SYT1: variants seen among roughly 807,000 people sequenced by gnomAD.
SYT1 encodes the protein synaptotagmin-1.
SYT1 carries 8 observed loss-of-function variants against 44.8 expected under a neutral mutation model. The observed-to-expected ratio is 0.18, with a 90% CI of 0.10 to 0.32. The LOEUF is 0.32. Ranked by LOEUF, SYT1 falls within the 10% of genes least tolerant of loss-of-function variation. The pLI, the probability that SYT1 is intolerant of heterozygous loss-of-function variation, is 1.00. For missense variants in SYT1, 286 were observed against 509.3 expected, an observed-to-expected ratio of 0.56 and a Z score of 4.22; for synonymous variants, 154 against 188.8, an observed-to-expected ratio of 0.82 and a Z score of 1.51.
intron 1 of SYT1, among the ~76,000 whole-genome samples, chr12:78,933,882 T>C (rs1204121357): frequency 6.7e-6 from 1 of 150,286 alleles, no homozygotes. Flanking sequence ...TAAGGGAACA[T>C]GCCTGCTTTG....
chr12:79,135,269 A>C, intron 3 of SYT1, among the ~76,000 whole-genome samples: 1 of 123,322 alleles, frequency 8.1e-6, no homozygotes. Context: ...CCATCCCACA[A>C]CAGTCCCCAG....
chr12:78,924,901 G>T (rs779926365), intron 1 of SYT1, among the ~76,000 whole-genome samples: 119 of 151,782 alleles, frequency 7.8e-4, no homozygotes, highest in Admixed American at 1.6e-3. Flanking sequence ...TAGAAGCCTA[G>T]ATCATGGGCT....
intron 9 of SYT1, among the ~76,000 whole-genome samples, chr12:79,416,263 C>T (rs755590940): frequency 6.6e-6 from 1 of 152,178 alleles, no homozygotes; most frequent in Non-Finnish European, 1.5e-5. Flanking sequence ...CACATGATCA[C>T]AGTCATATGA....
chr12:79,075,684 G>A (rs1023975356), intron 3 of SYT1, among the ~76,000 whole-genome samples: 3 of 152,052 alleles, frequency 2.0e-5, no homozygotes, highest in African/African-American at 7.2e-5. Context: ...TCTGCAGTTT[G>A]TGATACAACT....
intron 2 of SYT1, among the ~76,000 whole-genome samples, chr12:79,046,754 A>C (rs894354050): frequency 6.6e-6 from 1 of 151,954 alleles, no homozygotes; most frequent in African/African-American, 2.4e-5. Flanking sequence ...TGTTTATCCT[A>C]TGTACTAGAA....
intron 4 of SYT1, among the ~76,000 whole-genome samples, chr12:79,282,234 A>C (rs1879089555): frequency 6.6e-6 from 1 of 152,214 alleles, no homozygotes; most frequent in Non-Finnish European, 1.5e-5. Context: ...AGCTTCCAGA[A>C]AATAGGATGT....
intron 1 of SYT1, among the ~76,000 whole-genome samples, chr12:78,904,727 T>C (rs1327534474): frequency 1.3e-5 from 2 of 152,176 alleles, no homozygotes; most frequent in Non-Finnish European, 2.9e-5. Flanking sequence ...CCATAGTCTA[T>C]ACAACATAAA....
At chr12:78,941,218 G>C in intron 1 of SYT1, among the ~76,000 whole-genome samples, 1 of 151,180 alleles carries the variant, frequency 6.6e-6, no homozygotes, top group East Asian at 1.9e-4. Context: ...GATTACAGGC[G>C]CCTGCCACCA....
chr12:79,145,800 CAG>C (rs1288257140), intron 3 of SYT1, among the ~76,000 whole-genome samples: 1 of 151,152 alleles, frequency 6.6e-6, no homozygotes, highest in African/African-American at 2.5e-5. Flanking sequence ...CTCTGTCGCC[CAG>C]GCTGGAGTGC....
intron 3 of SYT1, among the ~76,000 whole-genome samples, chr12:79,133,469 T>G (rs1868985156): frequency 6.6e-6 from 1 of 152,194 alleles, no homozygotes; most frequent in South Asian, 2.1e-4. Flanking sequence ...ATACCCTGTT[T>G]GGATAATTAT....
At chr12:79,024,252 C>T (rs995413493) in intron 2 of SYT1, among the ~76,000 whole-genome samples, 11 of 151,614 alleles carry the variant, frequency 7.3e-5, no homozygotes, top group East Asian at 2.0e-4. Flanking sequence ...TTGAGAGAGG[C>T]GTGTGGCCAG....
At chr12:78,943,805 A>G (rs986268293) in intron 1 of SYT1, among the ~76,000 whole-genome samples, 4 of 152,190 alleles carry the variant, frequency 2.6e-5, no homozygotes, top group South Asian at 2.1e-4. Context: ...ACTACAATTC[A>G]TCATATGGTT....
intron 1 of SYT1, among the ~76,000 whole-genome samples, chr12:78,951,766 T>G (rs1382060048): frequency 6.6e-6 from 1 of 152,118 alleles, no homozygotes; most frequent in East Asian, 1.9e-4. Flanking sequence ...ACCAGATTTT[T>G]TTGTTCACCT....
chr12:79,101,066 T>G (rs183939756), intron 3 of SYT1, among the ~76,000 whole-genome samples: 3 of 152,280 alleles, frequency 2.0e-5, no homozygotes, highest in Admixed American at 2.0e-4. Context: ...TATTTTACAT[T>G]TGTTTTATTA....
At chr12:79,202,897 C>G (rs1873873499) in intron 3 of SYT1, among the ~76,000 whole-genome samples, 1 of 152,146 alleles carries the variant, frequency 6.6e-6, no homozygotes, top group Admixed American at 6.5e-5. Context: ...CCACAGGATG[C>G]AGGGTGCTGA....
At chr12:79,055,559 A>C in intron 3 of SYT1, among the ~76,000 whole-genome samples, 1 of 151,978 alleles carries the variant, frequency 6.6e-6, no homozygotes, top group East Asian at 1.9e-4. Flanking sequence ...GTAATTAAGA[A>C]TGTTTGCACT....
chr12:79,430,798 AAAC>A (rs1284779058), intron 9 of SYT1, among the ~76,000 whole-genome samples: 2 of 152,182 alleles, frequency 1.3e-5, no homozygotes, highest in South Asian at 2.1e-4. Context: ...AGACTAAACA[AAAC>A]AACAACAACA....
At chr12:79,267,130 T>C (rs1878178546) in intron 4 of SYT1, among the ~76,000 whole-genome samples, 1 of 152,180 alleles carries the variant, frequency 6.6e-6, no homozygotes, top group Non-Finnish European at 1.5e-5. Context: ...AAAAAACAAG[T>C]AATAAGGCAT....
At chr12:79,412,637 T>A (rs1304377944) in intron 9 of SYT1, among the ~76,000 whole-genome samples, 1 of 152,176 alleles carries the variant, frequency 6.6e-6, no homozygotes, top group Non-Finnish European at 1.5e-5. Context: ...TTAATCATTT[T>A]GAGTTTTTCT....
Sources: gnomAD v4.1 joint callset for allele counts (sites outside exome capture counted in the v4.1 genomes callset) on GRCh38, gnomAD v4.1.1 for gene constraint, MANE v1.5 for transcripts, NCBI Gene and HGNC (gene_info 2026-07-23, HGNC 2026-07-21) for gene names.